Variants in PSMC6 observed in about 807,000 individuals in gnomAD.
The protein encoded by PSMC6 is 26S proteasome regulatory subunit 10B.
In PSMC6, 3 loss-of-function variants were observed where a neutral mutation model predicts 55.9. The observed-to-expected ratio is 0.05, with a 90% CI of 0.02 to 0.14. The LOEUF is 0.14. PSMC6 is among the 10% of genes least tolerant of loss of function. PSMC6 has a pLI of 1.00. For synonymous variants in PSMC6, 137 were observed against 155.9 expected, an observed-to-expected ratio of 0.88 and a Z score of 0.90; for missense variants, 210 against 478.7, an observed-to-expected ratio of 0.44 and a Z score of 5.24.
Position 52,727,825 on chromosome 14 carries a change from C to G in PSMC6, c.*208C>G. On this transcript the variant is annotated 3_prime_UTR_variant, in exon 14 of 14. Transcript: ENST00000445930. Reference sequence around the variant, plus strand: ...AAGTTGCATTTATTGCAGCAAGTTACAAAGGGAAAGTGTTGAAGCTTTTCA... The same window carrying G: ...AAGTTGCATTTATTGCAGCAAGTTAGAAAGGGAAAGTGTTGAAGCTTTTCA... 1 of 409,520 alleles carries G rather than the reference C, an allele frequency of 2.4e-6. No individual in the cohort carries two copies. 25.4% of individuals were successfully genotyped at this position (409,520 alleles called of 1,614,324 possible).
chr14:52,711,069 T>A, intron 4 of PSMC6, 32 bp from the exon 5 acceptor site: 1 of 1,546,782 alleles, frequency 6.5e-7, no homozygotes, highest in Non-Finnish European at 8.9e-7. Flanking sequence ...TTTTTAAGTG[T>A]TGATGTAATA....
chr14:52,725,590 C>A (rs1461131410), intron 13 of PSMC6, among the ~76,000 whole-genome samples: 2 of 152,204 alleles, frequency 1.3e-5, no homozygotes, highest in African/African-American at 4.8e-5. Flanking sequence ...AGTGCAGTGG[C>A]ATGATCACTG....
At chr14:52,725,059 T>A (rs1880353388) in intron 13 of PSMC6, among the ~76,000 whole-genome samples, 1 of 152,180 alleles carries the variant, frequency 6.6e-6, no homozygotes, top group Non-Finnish European at 1.5e-5. Flanking sequence ...CAATGCAAAT[T>A]AGGGTAAATC....
chr14:52,708,985 C>A, intron 4 of PSMC6, 169 bp downstream of exon 4: 1 of 896,598 alleles, frequency 1.1e-6, no homozygotes, highest in Non-Finnish European at 1.6e-6. Flanking sequence ...AAACCATGGG[C>A]TTTGACTCCT....
At chr14:52,712,561 T>C (rs965813493) in intron 6 of PSMC6, among the ~76,000 whole-genome samples, 1 of 152,150 alleles carries the variant, frequency 6.6e-6, no homozygotes, top group Non-Finnish European at 1.5e-5. Flanking sequence ...CTTTACACTT[T>C]AGAGTATTGA....
At position 52,718,061 on chromosome 14, in the gene PSMC6, A is replaced by T. The variant is rs755146611; in HGVS notation, c.530-20A>T. On this transcript the variant is annotated intron_variant, in intron 7 of 13. Coordinates refer to ENST00000445930, the MANE Select transcript of PSMC6 (RefSeq NM_002806.5). Reference sequence around the variant, plus strand: ...TTTTCTACCTTACCATCTAATTAAGACTTCTTTTGTCATTCTTAGGTACGG... The same window carrying T: ...TTTTCTACCTTACCATCTAATTAAGTCTTCTTTTGTCATTCTTAGGTACGG... 1 of 1,610,148 alleles carries T rather than the reference A, an allele frequency of 6.2e-7. No individual in the cohort carries two copies. The highest frequency in any genetic ancestry group is 2.2e-5 in the East Asian group (1 of 44,868).
intron 12 of PSMC6, chr14:52,723,022 T>C (rs1295563710): frequency 6.6e-6 from 1 of 152,230 alleles, no homozygotes; most frequent in Non-Finnish European, 1.5e-5. Flanking sequence ...AATTTCACTA[T>C]CTTCATTGCC....
intron 13 of PSMC6, among the ~76,000 whole-genome samples, chr14:52,724,435 T>G (rs746639707): frequency 2.0e-4 from 30 of 152,204 alleles, no homozygotes; most frequent in Non-Finnish European, 4.4e-4. Flanking sequence ...AGGAGAGGCA[T>G]GTAATAGAAC....
Position 52,720,367 on chromosome 14 carries a change from CAAAAAAAA to C in PSMC6, c.778-471_778-464del, listed in dbSNP as rs71444775. Among the ~76,000 whole-genome samples the C allele has an allele frequency of 1.7e-3, 69 of 41,482 alleles. 1 individual carries two copies. Among genetic ancestry groups the C allele is most frequent in the African/African-American group, 4.1e-3 (46 of 11,252 alleles). The allele number at this position is 41,482 out of a possible 152,430, so 27.2% of individuals were successfully genotyped here. ...TGGGTGACAGAGTGAAACTCTGTCTCAAAAAAAAAAAAAAAAAAAAAAAAAAAAAATTA... is the reference window on the plus strand; with the variant it reads ...TGGGTGACAGAGTGAAACTCTGTCTCAAAAAAAAAAAAAAAAAAAAAATTA... On this transcript the variant is annotated intron_variant, in intron 10 of 13. Coordinates refer to ENST00000445930, the MANE Select transcript of PSMC6 (RefSeq NM_002806.5).
chr14:52,713,324 A>G (rs2041795534), intron 6 of PSMC6, among the ~76,000 whole-genome samples: 1 of 152,208 alleles, frequency 6.6e-6, no homozygotes, highest in South Asian at 2.1e-4. Context: ...TCTTCCTTGA[A>G]TCAGTCTTGA....
intron 5 of PSMC6, 94 bp from the exon 6 acceptor site, chr14:52,711,316 A>T: frequency 2.3e-6 from 3 of 1,287,334 alleles, no homozygotes; most frequent in South Asian, 2.6e-5. Flanking sequence ...GAGATCAGCT[A>T]CAGGTGCTTG....
At chr14:52,719,512 C>G (rs986736283) in intron 10 of PSMC6, among the ~76,000 whole-genome samples, 3 of 151,962 alleles carry the variant, frequency 2.0e-5, no homozygotes, top group African/African-American at 7.3e-5. Context: ...GCACATAAAG[C>G]CTTCCTCCAG....
At chr14:52,710,280 A>C (rs1440712557) in intron 4 of PSMC6, 1 of 152,212 alleles carries the variant, frequency 6.6e-6, no homozygotes, top group Non-Finnish European at 1.5e-5. Flanking sequence ...TACAAAAAAA[A>C]ATTAGCCGGG....
At chr14:52,714,035 C>A in intron 7 of PSMC6, 67 bp downstream of exon 7, 10 of 1,070,486 alleles carry the variant, frequency 9.3e-6, no homozygotes, top group Non-Finnish European at 1.4e-5. Flanking sequence ...AAAAAAAAGA[C>A]AATTTTTTTA....
At position 52,728,037 on chromosome 14, in the gene PSMC6, T is replaced by C. The variant is rs1880491973; in HGVS notation, c.*420T>C. ...TCTGAGTATATTTACTGTGGTCCTT[T>C]AGGTTCTTTAGCAAGTAAACTATTT... On this transcript the variant is annotated 3_prime_UTR_variant, in exon 14 of 14. Coordinates refer to ENST00000445930, the MANE Select transcript of PSMC6 (RefSeq NM_002806.5). 1 of 156,748 alleles carries C rather than the reference T, an allele frequency of 6.4e-6. No homozygotes were observed. The highest frequency in any genetic ancestry group is 1.9e-4 in the South Asian group (1 of 5,322). 9.7% of individuals were successfully genotyped at this position (156,748 alleles called of 1,614,324 possible).
At chr14:52,723,804 G>C in intron 12 of PSMC6, 161 bp from the exon 13 acceptor site, 1 of 1,405,092 alleles carries the variant, frequency 7.1e-7, no homozygotes, top group Non-Finnish European at 9.3e-7. Context: ...TTATTTAACA[G>C]AAGTCTTAGT....
chr14:52,707,398 C>T (rs911673285), intron 1 of PSMC6, 94 bp downstream of exon 1: 77 of 1,532,002 alleles, frequency 5.0e-5, no homozygotes, highest in Middle Eastern at 2.0e-4. Flanking sequence ...GCAACCGAGC[C>T]TTAGAGATGA....
chr14:52,710,198 T>G (rs2041754314), intron 4 of PSMC6: 1 of 152,222 alleles, frequency 6.6e-6, no homozygotes, highest in South Asian at 2.1e-4. Flanking sequence ...GAGGCTGAGG[T>G]GGGCAGATCA....
Position 52,711,366 on chromosome 14 carries a change from A to G in PSMC6, c.327-44A>G, listed in dbSNP as rs746060703. The G allele has an allele frequency of 2.9e-5, 44 of 1,498,738 alleles. No homozygotes were observed. The South Asian group carries it at 5.0e-4, about 17-fold the overall frequency. 92.8% of individuals were successfully genotyped at this position (1,498,738 alleles called of 1,614,324 possible). On this transcript the variant is annotated intron_variant, in intron 5 of 13. Coordinates refer to ENST00000445930, the MANE Select transcript of PSMC6 (RefSeq NM_002806.5). ...TTATATGCTATCTGTAGGCTAAGAG[A>G]AAATATATCTTTCAAAAGAAAAATA...
Sources: allele counts gnomAD v4.1 joint callset (sites outside exome capture counted in the v4.1 genomes callset), GRCh38; gene constraint gnomAD v4.1.1; transcripts MANE v1.5; gene names NCBI Gene and HGNC (gene_info 2026-07-23, HGNC 2026-07-21).